FZR1: variants seen among roughly 807,000 people sequenced by gnomAD.
The protein encoded by FZR1 is fizzy and cell division cycle 20 related 1.
A neutral mutation model predicts 63.6 loss-of-function variants in FZR1; 11 were observed. The observed-to-expected ratio is 0.17, with a 90% CI of 0.11 to 0.29. The LOEUF (loss-of-function observed/expected upper bound fraction) is 0.29. Ranked by LOEUF, FZR1 falls within the 10% of genes least tolerant of loss-of-function variation. The probability of loss-of-function intolerance (pLI) is 1.00; values close to 1 mark genes in which losing one functional copy is unlikely to be tolerated. For synonymous variants in FZR1, 328 were observed against 297.9 expected (o/e 1.10, Z -1.04); for missense variants, 440 against 687.5 (o/e 0.64, Z 4.03).
Position 3,533,235 on chromosome 19 carries a change from AGG to A in FZR1, c.1243-58_1243-57del. ...CTCAGGCGGGTGCATGTGAGGCAGC[AGG>A]CATAGCACCCGGCCTCGTTGCCCCT... On this transcript the variant is annotated intron_variant, in intron 11 of 13. Transcript: ENST00000441788. The surrounding 1 kb of genome is among the most constrained non-coding windows in gnomAD (Gnocchi z 4.9). The A allele has an allele frequency of 9.8e-7, 1 of 1,025,112 alleles. No homozygotes were observed. Among genetic ancestry groups the A allele is most frequent in the Non-Finnish European group, 1.5e-6 (1 of 650,608 alleles). 63.5% of individuals were successfully genotyped at this position (1,025,112 alleles called of 1,614,324 possible).
chr19:3,514,194 A>G lies in FZR1; in HGVS notation c.-35+7720A>G, dbSNP rs998417084. 6.6e-6 allele frequency among the ~76,000 whole-genome samples: 1 copy of G among 152,158 alleles called. No individual in the cohort carries two copies. The highest frequency in any genetic ancestry group is 2.4e-5 in the African/African-American group (1 of 41,440). On this transcript the variant is annotated intron_variant, in intron 1 of 13. Transcript: ENST00000441788. The surrounding 1 kb of genome is among the most constrained non-coding windows in gnomAD (Gnocchi z 4.2). The stretch of plus-strand genomic sequence containing the variant: ...CACCTCAAAGTCGAGCCTGGAGACA[A>G]ATCGTGCCGTGCCATTGGCCCCCAC...
Position 3,526,674 on chromosome 19 carries a change from G to A in FZR1, c.387+288G>A, listed in dbSNP as rs1319577090. 1.3e-5 allele frequency among the ~76,000 whole-genome samples: 2 copies of A among 152,194 alleles called. No individual in the cohort carries two copies. The highest frequency in any genetic ancestry group is 1.9e-4 in the East Asian group (1 of 5,192). On this transcript the variant is annotated intron_variant, in intron 5 of 13. Coordinates refer to ENST00000441788, the MANE Select transcript of FZR1 (RefSeq NM_016263.4). This position sits in a 1 kb window ranked among gnomAD's most constrained non-coding sequence, Gnocchi z 5.4. ...ACCTGGGGTCCCGAACACCCAAGCCGGTGGGGGTCCTGCCCGTAGGGGGCA... is the reference window on the plus strand; with the variant it reads ...ACCTGGGGTCCCGAACACCCAAGCCAGTGGGGGTCCTGCCCGTAGGGGGCA...
At chr19:3,511,288 C>T (rs1252237973) in intron 1 of FZR1, among the ~76,000 whole-genome samples, 1 of 152,164 alleles carries the variant, frequency 6.6e-6, no homozygotes, top group East Asian at 1.9e-4. Context: ...GTGTGGAGAG[C>T]AGTTCTCACG....
In FZR1 at chr19:3,515,374, G is replaced by A. The variant is rs1265361841; in HGVS notation, c.-34-7582G>A. 6.6e-6 allele frequency among the ~76,000 whole-genome samples: 1 copy of A among 152,202 alleles called. No homozygotes were observed. Among genetic ancestry groups the A allele is most frequent in the African/African-American group, 2.4e-5 (1 of 41,454 alleles). On this transcript the variant is annotated intron_variant, in intron 1 of 13. Transcript: ENST00000441788. The surrounding 1 kb of genome is among the most constrained non-coding windows in gnomAD (Gnocchi z 4.6). ...AACCTTCCGAGCATCCAGCAAAGGA[G>A]GGAGAATGCGGTGGTGCCCGGTCTC... is the stretch of plus-strand genomic sequence containing the variant.
rs1454015413 is a variant in FZR1 at position 3,516,336 on chromosome 19, CT to C, written c.-34-6617del. ...TTTCCCAGTGCGGTTTGTTGGTGTCCTTTGCTACTTTGGGCTCTCCTGTGGG... is the reference window on the plus strand; with the variant it reads ...TTTCCCAGTGCGGTTTGTTGGTGTCCTTGCTACTTTGGGCTCTCCTGTGGG... On this transcript the variant is annotated intron_variant, in intron 1 of 13. Coordinates refer to ENST00000441788, the MANE Select transcript of FZR1 (RefSeq NM_016263.4). The surrounding 1 kb of genome is among the most constrained non-coding windows in gnomAD (Gnocchi z 6.0). Among the ~76,000 whole-genome samples, 1 of 152,176 alleles carries C rather than the reference CT, an allele frequency of 6.6e-6. No homozygotes were observed. The highest frequency in any genetic ancestry group is 1.5e-5 in the Non-Finnish European group (1 of 68,022).
At chr19:3,529,526 G>A (rs1162680967) in intron 7 of FZR1, among the ~76,000 whole-genome samples, 1 of 148,540 alleles carries the variant, frequency 6.7e-6, no homozygotes, top group African/African-American at 2.5e-5. Flanking sequence ...AGATGGGAGA[G>A]TGGATGAGAG....
At position 3,525,882 on chromosome 19, in the gene FZR1, G is replaced by T. The variant is rs773508134; in HGVS notation, c.84G>T (p.Arg28=). 5 of 1,611,606 alleles carry T rather than the reference G, an allele frequency of 3.1e-6. No individual in the cohort carries two copies. Among genetic ancestry groups the T allele is most frequent in the Non-Finnish European group, 4.2e-6 (5 of 1,179,958 alleles). ...ENTMPRVTEM[R]RTLTPASSPV... ...ATGCCCTTCAGGTCACAGAGATGCG[G>T]CGGACCCTGACGCCTGCCAGCTCCC... Residue 28 remains arginine, a synonymous_variant, in exon 3 of 14, where the codon CGG becomes CGT. Transcript: ENST00000441788. The surrounding 1 kb of genome is among the most constrained non-coding windows in gnomAD (Gnocchi z 4.2).
intron 1 of FZR1, among the ~76,000 whole-genome samples, chr19:3,519,174 T>G (rs2083080465): frequency 6.6e-6 from 1 of 152,144 alleles, no homozygotes; most frequent in African/African-American, 2.4e-5. Flanking sequence ...GGAGCATAAG[T>G]GTCTGGGGAA....
At chr19:3,522,041 G>A (rs2083107315) in intron 1 of FZR1, among the ~76,000 whole-genome samples, 1 of 152,132 alleles carries the variant, frequency 6.6e-6, no homozygotes, top group Non-Finnish European at 1.5e-5. Context: ...TGAGGCTGCA[G>A]TGATCCGTGA....
At chr19:3,513,695 C>T (rs1397082047) in intron 1 of FZR1, among the ~76,000 whole-genome samples, 2 of 152,156 alleles carry the variant, frequency 1.3e-5, no homozygotes, top group African/African-American at 2.4e-5. Context: ...CGGGATGTGG[C>T]GGCACCCATG....
chr19:3,531,135 C>A (rs1381718511), intron 8 of FZR1, among the ~76,000 whole-genome samples: 1 of 152,164 alleles, frequency 6.6e-6, no homozygotes, highest in African/African-American at 2.4e-5. Context: ...GGGACTCGCT[C>A]CCCTGGAGTT....
intron 7 of FZR1, 21 bp downstream of exon 7, chr19:3,527,835 G>T: frequency 6.3e-7 from 1 of 1,583,860 alleles, no homozygotes; most frequent in Non-Finnish European, 8.6e-7. Context: ...CGTGGGGTGT[G>T]CATGTGCATG....
rs2083269544 is a variant in FZR1 at position 3,533,661 on chromosome 19, C to G, written c.1347+263C>G. ...AGCTTCTTCATTTGTTTATTTTCCCCATAAAGAGGGGTGAAGAGGAAAGCC... is the reference window on the plus strand; with the variant it reads ...AGCTTCTTCATTTGTTTATTTTCCCGATAAAGAGGGGTGAAGAGGAAAGCC... On this transcript the variant is annotated intron_variant, in intron 12 of 13. Transcript: ENST00000441788. The surrounding 1 kb of genome is among the most constrained non-coding windows in gnomAD (Gnocchi z 4.9). The G allele has an allele frequency of 2.2e-6, 1 of 461,158 alleles. No individual in the cohort carries two copies. Among genetic ancestry groups the G allele is most frequent in the East Asian group, 3.9e-5 (1 of 25,400 alleles). The allele number at this position is 461,158 out of a possible 1,614,324, so 28.6% of individuals were successfully genotyped here. A position where few individuals can be genotyped will look rare whatever the true frequency, so the allele number is the denominator to read the frequency against.
rs528301081 is a variant in FZR1 at position 3,534,680 on chromosome 19, T to C, written c.1441-115T>C. 7 of 1,019,814 alleles carry C rather than the reference T, an allele frequency of 6.9e-6. No individual in the cohort carries two copies. The African/African-American group carries it at 9.4e-5, about 14-fold the overall frequency. The allele number at this position is 1,019,814 out of a possible 1,614,324, so 63.2% of individuals were successfully genotyped here. A position where few individuals can be genotyped will look rare whatever the true frequency, so the allele number is the denominator to read the frequency against. ...TCGGGGCAGTGTGGCAGGCCGAGGC[T>C]GAACTGGCACCTCCCAGCCCCTCAG... is the stretch of plus-strand genomic sequence containing the variant. On this transcript the variant is annotated intron_variant, in intron 13 of 13. Coordinates refer to ENST00000441788, the MANE Select transcript of FZR1 (RefSeq NM_016263.4).
At position 3,535,178 on chromosome 19, in the gene FZR1, C is replaced by A; in HGVS notation, c.*342C>A. 1 of 375,994 alleles carries A rather than the reference C, an allele frequency of 2.7e-6. No individual in the cohort carries two copies. Among genetic ancestry groups the A allele is most frequent in the Non-Finnish European group, 5.0e-6 (1 of 200,008 alleles). The allele number at this position is 375,994 out of a possible 1,614,324, so 23.3% of individuals were successfully genotyped here. On this transcript the variant is annotated 3_prime_UTR_variant, in exon 14 of 14. Transcript: ENST00000441788. ...CTCACTGCCTCCGTCTGTTCATCAC[C>A]TGCCCACCGGAGCCGCATGCTCTTC...
At chr19:3,513,331 C>T (rs1599772754) in intron 1 of FZR1, among the ~76,000 whole-genome samples, 1 of 152,172 alleles carries the variant, frequency 6.6e-6, no homozygotes, top group Admixed American at 6.5e-5. Context: ...TCTGCGGAGA[C>T]TCCAGCAGGA....
Position 3,526,030 on chromosome 19 carries a change from G to A in FZR1, c.195+37G>A. On this transcript the variant is annotated intron_variant, in intron 3 of 13. Coordinates refer to ENST00000441788, the MANE Select transcript of FZR1 (RefSeq NM_016263.4). This position sits in a 1 kb window ranked among gnomAD's most constrained non-coding sequence, Gnocchi z 5.4. ...GCTGGGCAGGAGATGGGACCCCCCGGGAAGCCCAGGGCCCCTCCCAGCCTC... is the reference window on the plus strand; with the variant it reads ...GCTGGGCAGGAGATGGGACCCCCCGAGAAGCCCAGGGCCCCTCCCAGCCTC... 1.2e-6 allele frequency: 2 copies of A among 1,611,374 alleles called. No individual in the cohort carries two copies. The highest frequency in any genetic ancestry group is 8.5e-7 in the Non-Finnish European group (1 of 1,179,272).
chr19:3,513,441 C>T (rs997283238), intron 1 of FZR1, among the ~76,000 whole-genome samples: 2 of 152,210 alleles, frequency 1.3e-5, no homozygotes, highest in African/African-American at 2.4e-5. Context: ...GGCACAGAGC[C>T]AGACCCAGAC....
chr19:3,531,165 G>T (rs984070811), intron 8 of FZR1, among the ~76,000 whole-genome samples: 1 of 152,134 alleles, frequency 6.6e-6, no homozygotes, highest in Non-Finnish European at 1.5e-5. Context: ...ACTCAGGGTC[G>T]AGTGGGCTTT....
Sources: allele counts gnomAD v4.1 joint callset (sites outside exome capture counted in the v4.1 genomes callset), GRCh38; gene constraint gnomAD v4.1.1; non-coding constraint Gnocchi (gnomAD v3.1); transcripts MANE v1.5; gene names NCBI Gene and HGNC (gene_info 2026-07-23, HGNC 2026-07-21).